RAB8B: variants seen among roughly 807,000 people sequenced by gnomAD.
The protein encoded by RAB8B is RAB8B, member RAS oncogene family, also known as ras-related protein Rab-8B.
In RAB8B, 11 loss-of-function variants were observed where a neutral mutation model predicts 32.0. The observed-to-expected ratio is 0.34, with a 90% confidence interval of 0.22 to 0.57. The LOEUF (loss-of-function observed/expected upper bound fraction) is 0.57, where lower values mean the gene tolerates loss of function less well. RAB8B is among the 20% of genes least tolerant of loss of function. The pLI is 0.86. For missense variants in RAB8B, 190 were observed against 258.5 expected (o/e 0.73, Z 1.82); for synonymous variants, 103 against 89.6 (o/e 1.15, Z -0.85).
intron 1 of RAB8B, among the ~76,000 whole-genome samples, chr15:63,204,048 G>C (rs371714179): frequency 1.3e-5 from 2 of 151,942 alleles, no homozygotes; most frequent in East Asian, 3.9e-4. Context: ...TGAAGCACAG[G>C]GCCTATCACG....
In RAB8B at chr15:63,223,567, A is replaced by G. The variant is rs144928261; in HGVS notation, c.125-21189A>G. On this transcript the variant is annotated intron_variant, in intron 1 of 7. Transcript: ENST00000321437. ...GTAGCCTAGGAGCAATAAACAGGCT[A>G]TACTACGTAGACTAGGTGTGTAGTA... Among the ~76,000 whole-genome samples, 5 of 152,366 alleles carry G rather than the reference A, an allele frequency of 3.3e-5. No homozygotes were observed. The East Asian group carries it at 5.8e-4, about 18-fold the overall frequency.
chr15:63,191,748 G>A (rs1460445041), intron 1 of RAB8B, among the ~76,000 whole-genome samples: 2 of 152,156 alleles, frequency 1.3e-5, no homozygotes, highest in African/African-American at 2.4e-5. Context: ...AGTGAATCTC[G>A]CTGATGCTGT....
intron 1 of RAB8B, among the ~76,000 whole-genome samples, chr15:63,211,144 G>T (rs2037743826): frequency 6.6e-6 from 1 of 152,232 alleles, no homozygotes; most frequent in Admixed American, 6.5e-5. Context: ...AAATAAAAGT[G>T]AAAGACCAGC....
intron 3 of RAB8B, chr15:63,251,269 G>A (rs1184497436): frequency 2.2e-6 from 1 of 455,946 alleles, no homozygotes; most frequent in South Asian, 1.5e-5. Context: ...TTTGTTGTTT[G>A]TTTGTTTCCC....
At position 63,191,179 on chromosome 15, in the gene RAB8B, G is replaced by A. The variant is rs145587192; in HGVS notation, c.124+1431G>A. Among the ~76,000 whole-genome samples, 29 of 152,248 alleles carry A rather than the reference G, an allele frequency of 1.9e-4. No homozygotes were observed. The East Asian group carries it at 5.2e-3, about 27-fold the overall frequency. Reference sequence around the variant, plus strand: ...ATAGTGGCTTATTTAGTCATCTTTCGTATGGTTCTTACAGCATATTTCACC... The same window carrying A: ...ATAGTGGCTTATTTAGTCATCTTTCATATGGTTCTTACAGCATATTTCACC... On this transcript the variant is annotated intron_variant, in intron 1 of 7. Transcript: ENST00000321437.
At chr15:63,238,768 T>C (rs2038005974) in intron 1 of RAB8B, among the ~76,000 whole-genome samples, 1 of 152,184 alleles carries the variant, frequency 6.6e-6, no homozygotes, top group Non-Finnish European at 1.5e-5. Flanking sequence ...GGGATAGGAC[T>C]TGATTAATCT....
chr15:63,201,426 A>T (rs2037649468), intron 1 of RAB8B, among the ~76,000 whole-genome samples: 2 of 152,176 alleles, frequency 1.3e-5, no homozygotes, highest in African/African-American at 4.8e-5. Context: ...GAGAGATAGC[A>T]TAGCCCTTGA....
intron 1 of RAB8B, among the ~76,000 whole-genome samples, chr15:63,235,153 C>G (rs1271134388): frequency 0.1 from 1 of 10 alleles, no homozygotes; most frequent in Non-Finnish European, 0.17. Context: ...ATAAAATGTA[C>G]CCCTAGAAGA....
Position 63,256,635 on chromosome 15 carries a change from C to T in RAB8B, c.414+41C>T, listed in dbSNP as rs757172434. 30 of 1,347,478 alleles carry T rather than the reference C, an allele frequency of 2.2e-5. No homozygotes were observed. In the African/African-American group the frequency reaches 2.2e-4, roughly 10 times the overall value. The allele number at this position is 1,347,478 out of a possible 1,614,324, so 83.5% of individuals were successfully genotyped here. On this transcript the variant is annotated intron_variant, in intron 5 of 7. Transcript: ENST00000321437. ...ATGGATAAAGGTTGGAATCTACTCA[C>T]ATTAAGCATTTCTTTTCTTCATATT...
chr15:63,259,256 A>T lies in RAB8B; in HGVS notation c.415-371A>T, dbSNP rs2038183254. Among the ~76,000 whole-genome samples, 1 of 151,968 alleles carries T rather than the reference A, an allele frequency of 6.6e-6. No homozygotes were observed. The highest frequency in any genetic ancestry group is 6.6e-5 in the Admixed American group (1 of 15,258). On this transcript the variant is annotated intron_variant, in intron 5 of 7. Transcript: ENST00000321437. This position sits in a 1 kb window ranked among gnomAD's most constrained non-coding sequence, Gnocchi z 4.4. ...TGCCTCAGCCTCCCGGGTAGCTGGG[A>T]CTACAGGCGGGTGCCACCACGCCCG... is the stretch of plus-strand genomic sequence containing the variant.
rs373850007 is a variant in RAB8B, at chr15:63,263,609, C to G, written c.614C>G (p.Ser205Trp). ...AAGAAGACCAGTTTCTTTCGTTGCT[C>G]GCTACTTTGATGAACTCTTTCTGAG... is the stretch of plus-strand genomic sequence containing the variant. The part of the protein sequence containing the change: ...RSKKTSFFRC[S>W]LL Residue 205 changes from serine (S) to tryptophan (W), a missense_variant, in exon 8 of 8, where the codon TCG becomes TGG. Coordinates refer to ENST00000321437, the MANE Select transcript of RAB8B (RefSeq NM_016530.3). 6.2e-7 allele frequency: 1 copy of G among 1,607,128 alleles called. No homozygotes were observed. Among genetic ancestry groups the G allele is most frequent in the African/African-American group, 1.3e-5 (1 of 74,774 alleles).
chr15:63,259,758 A>G lies in RAB8B; in HGVS notation c.480+66A>G, dbSNP rs2038188367. The G allele has an allele frequency of 7.4e-7, 1 of 1,347,674 alleles. No homozygotes were observed. The highest frequency in any genetic ancestry group is 1.5e-5 in the African/African-American group (1 of 68,688). The allele number at this position is 1,347,674 out of a possible 1,614,324, so 83.5% of individuals were successfully genotyped here. A position where few individuals can be genotyped will look rare whatever the true frequency, so the allele number is the denominator to read the frequency against. ...AGTGCTTAGGGGCCTGTGTTCAAAC[A>G]GCTCTCAGAGCTTTGGTATTTTCTG... On this transcript the variant is annotated intron_variant, in intron 6 of 7. Coordinates refer to ENST00000321437, the MANE Select transcript of RAB8B (RefSeq NM_016530.3). This position sits in a 1 kb window ranked among gnomAD's most constrained non-coding sequence, Gnocchi z 4.4.
At chr15:63,232,302 C>T (rs1368796474) in intron 1 of RAB8B, among the ~76,000 whole-genome samples, 1 of 152,080 alleles carries the variant, frequency 6.6e-6, no homozygotes, top group East Asian at 1.9e-4. Flanking sequence ...TTTAACCTTA[C>T]AAATTAAAGC....
At chr15:63,195,375 G>A (rs1193675047) in intron 1 of RAB8B, among the ~76,000 whole-genome samples, 1 of 152,094 alleles carries the variant, frequency 6.6e-6, no homozygotes, top group African/African-American at 2.4e-5. Context: ...CTGAGTCTTG[G>A]GTACAAATAT....
chr15:63,263,662 T>C lies in RAB8B; in HGVS notation c.*43T>C. Reference sequence around the variant, plus strand: ...ACTGCAGCACACCTAGAGGGCCCTTTCCTGCTTCTCTGAAAGCACAGGTCA... The same window carrying C: ...ACTGCAGCACACCTAGAGGGCCCTTCCCTGCTTCTCTGAAAGCACAGGTCA... On this transcript the variant is annotated 3_prime_UTR_variant, in exon 8 of 8. Coordinates refer to ENST00000321437, the MANE Select transcript of RAB8B (RefSeq NM_016530.3). The C allele has an allele frequency of 6.8e-7, 1 of 1,468,144 alleles. No homozygotes were observed. Among genetic ancestry groups the C allele is most frequent in the Non-Finnish European group, 9.5e-7 (1 of 1,049,434 alleles). 90.9% of individuals were successfully genotyped at this position (1,468,144 alleles called of 1,614,324 possible).
chr15:63,220,604 G>A (rs2037836636), intron 1 of RAB8B, among the ~76,000 whole-genome samples: 1 of 151,946 alleles, frequency 6.6e-6, no homozygotes, highest in Non-Finnish European at 1.5e-5. Flanking sequence ...TGTTTTTTGT[G>A]TTTCACTTTT....
intron 1 of RAB8B, among the ~76,000 whole-genome samples, chr15:63,236,646 A>G (rs1157571198): frequency 6.6e-6 from 1 of 152,230 alleles, no homozygotes; most frequent in Non-Finnish European, 1.5e-5. Flanking sequence ...GTAGATGTAT[A>G]TATTTATGGG....
chr15:63,242,425 A>G (rs939390231), intron 1 of RAB8B, among the ~76,000 whole-genome samples: 5 of 152,152 alleles, frequency 3.3e-5, no homozygotes, highest in African/African-American at 1.2e-4. Context: ...CTATAATCCT[A>G]ACACTTTGGG....
At chr15:63,235,925 A>G (rs1441723342) in intron 1 of RAB8B, among the ~76,000 whole-genome samples, 1 of 152,146 alleles carries the variant, frequency 6.6e-6, no homozygotes, top group Admixed American at 6.5e-5. Context: ...GTTCTATACT[A>G]TGACCCTTAA....
Sources: allele counts gnomAD v4.1 joint callset (sites outside exome capture counted in the v4.1 genomes callset), GRCh38; gene constraint gnomAD v4.1.1; non-coding constraint Gnocchi (gnomAD v3.1); transcripts MANE v1.5; gene names NCBI Gene and HGNC (gene_info 2026-07-23, HGNC 2026-07-21).